Variants in CCDC57 observed in about 807,000 individuals in gnomAD.
CCDC57 encodes coiled-coil domain-containing protein 57.
A neutral mutation model predicts 118.9 loss-of-function variants in CCDC57; 118 were observed. The ratio of observed to expected loss-of-function variants is 0.99; its 90% CI spans 0.86 to 1.16. The LOEUF is 1.16. Ranked by LOEUF, CCDC57 falls within the 50% of genes most tolerant of loss-of-function variation. The pLI is 0.00. For synonymous variants in CCDC57, 527 were observed against 532.9 expected (o/e 0.99, Z 0.15); for missense variants, 1,300 against 1,320.7 (o/e 0.98, Z 0.24).
At chr17:82,190,461 C>T (rs1440791884) in intron 7 of CCDC57, among the ~76,000 whole-genome samples, 1 of 152,022 alleles carries the variant, frequency 6.6e-6, no homozygotes, top group African/African-American at 2.4e-5. Context: ...TTTGGGAGGC[C>T]GAGGTGCGCG....
chr17:82,170,598 G>A (rs1430566745), intron 13 of CCDC57, among the ~76,000 whole-genome samples: 1 of 151,562 alleles, frequency 6.6e-6, no homozygotes, highest in African/African-American at 2.4e-5. Context: ...GAGTCCACAT[G>A]AGCACGCAGG....
chr17:82,102,138 G>T lies in CCDC57; in HGVS notation c.2900-272C>A, dbSNP rs114879089. On this transcript the variant is annotated intron_variant, in intron 19 of 19. Coordinates refer to ENST00000665763, the Ensembl canonical transcript of CCDC57. ...CACCTGGACATGTGGCTCTGAAAATGGTCCTGTTGTGACCATTTCGTAATG... is the reference window on the plus strand; with the variant it reads ...CACCTGGACATGTGGCTCTGAAAATTGTCCTGTTGTGACCATTTCGTAATG... 2.6e-3 allele frequency among the ~76,000 whole-genome samples: 394 copies of T among 152,330 alleles called. 3 individuals carry two copies. The highest frequency in any genetic ancestry group is 9.1e-3 in the African/African-American group (378 of 41,558).
chr17:82,126,482 C>A, intron 19 of CCDC57: 1 of 975,258 alleles, frequency 1.0e-6, no homozygotes, highest in Non-Finnish European at 1.2e-6. Flanking sequence ...AGAAAGACCA[C>A]AATCTAATAC....
rs759601417 is a variant in CCDC57 at position 82,157,955 on chromosome 17, G to C, written c.2041-7C>G. On this transcript the variant is annotated splice_region_variant and splice_polypyrimidine_tract_variant and intron_variant, in intron 14 of 19. Transcript: ENST00000665763. ...CCAGGGGTTCCCGCAGCACCTAGGGGTCATTTCAAAGGCAGTGTGAGGAAT... is the reference window on the plus strand; with the variant it reads ...CCAGGGGTTCCCGCAGCACCTAGGGCTCATTTCAAAGGCAGTGTGAGGAAT... The C allele has an allele frequency of 5.8e-6, 9 of 1,550,874 alleles. No homozygotes were observed. In the East Asian group the frequency reaches 2.2e-4, roughly 38 times the overall value.
At chr17:82,191,590 A>T (rs2047673560) in intron 7 of CCDC57, among the ~76,000 whole-genome samples, 1 of 152,088 alleles carries the variant, frequency 6.6e-6, no homozygotes, top group African/African-American at 2.4e-5. Context: ...CCTCCTCCTC[A>T]ACCTCCTCAA....
At chr17:82,132,085 T>A (rs1237911127) in intron 17 of CCDC57, among the ~76,000 whole-genome samples, 7 of 137,480 alleles carry the variant, frequency 5.1e-5, no homozygotes, top group African/African-American at 8.5e-5. Flanking sequence ...GCCACTGCAC[T>A]CCAGCCTTGG....
intron 14 of CCDC57, among the ~76,000 whole-genome samples, chr17:82,162,634 G>A (rs2043496069): frequency 2.2e-5 from 2 of 89,474 alleles, no homozygotes; most frequent in African/African-American, 4.5e-5. Context: ...CTCTGAGCGG[G>A]CAGGTGGCAT....
intron 16 of CCDC57, among the ~76,000 whole-genome samples, chr17:82,147,978 A>G (rs1192997970): frequency 7.9e-5 from 4 of 50,912 alleles, no homozygotes; most frequent in South Asian, 1.3e-3. Flanking sequence ...TGGGTGGGTG[A>G]ATGGATGAAT....
At chr17:82,151,673 C>T (rs1482063025) in exon 16 of CCDC57, 42 of 1,550,254 alleles carry the variant, frequency 2.7e-5, no homozygotes, top group Middle Eastern at 1.7e-4. Context: ...TCTCTGGAGT[C>T]GGTGCATAGA....
At chr17:82,178,910 G>A in intron 10 of CCDC57, 117 bp downstream of exon 9, 2 of 1,148,098 alleles carry the variant, frequency 1.7e-6, no homozygotes, top group Non-Finnish European at 2.4e-6. Context: ...TAATTACTCA[G>A]TGAGGTTTAG....
chr17:82,130,937 G>A (rs566481588), intron 17 of CCDC57, among the ~76,000 whole-genome samples: 73 of 151,268 alleles, frequency 4.8e-4, no homozygotes, highest in Admixed American at 2.9e-3. Context: ...TCAGCCTCCC[G>A]AGTAGCTGGG....
intron 15 of CCDC57, chr17:82,152,384 G>A: frequency 6.4e-6 from 1 of 155,408 alleles, no homozygotes; most frequent in Non-Finnish European, 1.4e-5. Flanking sequence ...GCAGGTGCAG[G>A]GGGAGCACAA....
At chr17:82,190,539 A>G (rs1298265160) in intron 7 of CCDC57, among the ~76,000 whole-genome samples, 1 of 152,022 alleles carries the variant, frequency 6.6e-6, no homozygotes, top group Non-Finnish European at 1.5e-5. Flanking sequence ...TGCTAAAAAT[A>G]CAAAAATTAG....
intron 3 of CCDC57, among the ~76,000 whole-genome samples, chr17:82,200,406 G>T (rs191995495): frequency 6.6e-6 from 1 of 152,156 alleles, no homozygotes; most frequent in Admixed American, 6.6e-5. Flanking sequence ...CTTTCACTTC[G>T]CCATTCCACC....
At chr17:82,148,337 ATGGATGGATAGG>A (rs2041202038) in intron 16 of CCDC57, among the ~76,000 whole-genome samples, 1 of 39,370 alleles carries the variant, frequency 2.5e-5, no homozygotes, top group Non-Finnish European at 4.4e-5. Context: ...GGATGGATGG[ATGGATGGATAGG>A]TGGGTGGATG....
At chr17:82,178,328 AC>A (rs1262504789) in intron 11 of CCDC57, 145 bp downstream of exon 10, 2 of 943,348 alleles carry the variant, frequency 2.1e-6, no homozygotes, top group Non-Finnish European at 1.5e-6. Flanking sequence ...AAAGCTTCTG[AC>A]TCACCCTTGT....
At position 82,172,419 on chromosome 17, in the gene CCDC57, C is replaced by T. The variant is rs146336428; in HGVS notation, c.1729+219G>A. Reference sequence around the variant, plus strand: ...AGCAGGTACCCTCATTTTTTCCTTCCACTTTACAAATATAAAAGCTTTTTG... The same window carrying T: ...AGCAGGTACCCTCATTTTTTCCTTCTACTTTACAAATATAAAAGCTTTTTG... On this transcript the variant is annotated intron_variant, in intron 12 of 19. Coordinates refer to ENST00000665763, the Ensembl canonical transcript of CCDC57. This position sits in a 1 kb window ranked among gnomAD's most constrained non-coding sequence, Gnocchi z 5.2. 9.0e-3 allele frequency among the ~76,000 whole-genome samples: 1,369 copies of T among 152,288 alleles called. 16 individuals are homozygous for T. The highest frequency in any genetic ancestry group is 0.032 in the African/African-American group (1,314 of 41,564).
chr17:82,157,570 C>A, intron 15 of CCDC57, 178 bp downstream of exon 14: 1 of 1,432,470 alleles, frequency 7.0e-7, no homozygotes, highest in South Asian at 1.5e-5. Context: ...AGGAAGAAGG[C>A]GGAGGAATGG....
intron 19 of CCDC57, among the ~76,000 whole-genome samples, chr17:82,105,346 C>A (rs2034772689): frequency 6.6e-6 from 1 of 152,204 alleles, no homozygotes; most frequent in Admixed American, 6.5e-5. Context: ...CTCACGCACC[C>A]AAGATCAACC....
Sources: allele counts gnomAD v4.1 joint callset (sites outside exome capture counted in the v4.1 genomes callset), GRCh38; gene constraint gnomAD v4.1.1; non-coding constraint Gnocchi (gnomAD v3.1); transcripts MANE v1.5; gene names NCBI Gene and HGNC (gene_info 2026-07-23, HGNC 2026-07-21).